Variants in ARHGEF28 observed in about 807,000 individuals in gnomAD.
ARHGEF28 encodes 190 kDa guanine nucleotide exchange factor.
In ARHGEF28, 152 loss-of-function variants were observed where a neutral mutation model predicts 206.6. The observed-to-expected ratio is 0.74, with a 90% CI of 0.64 to 0.84. The LOEUF (loss-of-function observed/expected upper bound fraction) is 0.84. Ranked by LOEUF, ARHGEF28 falls within the 40% of genes least tolerant of loss-of-function variation. ARHGEF28 has a pLI of 0.00. For synonymous variants in ARHGEF28, 763 were observed against 776.4 expected (o/e 0.98, Z 0.29); for missense variants, 2,028 against 2,073.2 (o/e 0.98, Z 0.42).
intron 9 of ARHGEF28, chr5:73,803,269 A>C (rs1447797790): frequency 6.2e-6 from 1 of 161,872 alleles, no homozygotes; most frequent in Admixed American, 6.5e-5. Context: ...ACAAATTACC[A>C]GATTAATTTT....
chr5:73,681,796 C>T (rs1467998366), intron 1 of ARHGEF28, among the ~76,000 whole-genome samples: 1 of 151,736 alleles, frequency 6.6e-6, no homozygotes, highest in African/African-American at 2.4e-5. Flanking sequence ...GCCTGGGCAA[C>T]AGAGCGAAAC....
intron 2 of ARHGEF28, among the ~76,000 whole-genome samples, chr5:73,691,581 C>G (rs941691196): frequency 2.6e-5 from 4 of 152,180 alleles, no homozygotes; most frequent in Admixed American, 2.0e-4. Flanking sequence ...ATAAAACTTT[C>G]AAGCGATTCT....
At chr5:73,857,157 G>T (rs1759097324) in intron 14 of ARHGEF28, among the ~76,000 whole-genome samples, 1 of 152,048 alleles carries the variant, frequency 6.6e-6, no homozygotes. Context: ...TGTTTCTCAG[G>T]CCGTATCAAC....
intron 35 of ARHGEF28, among the ~76,000 whole-genome samples, chr5:73,936,161 C>T (rs979798539): frequency 5.3e-5 from 8 of 152,128 alleles, no homozygotes; most frequent in African/African-American, 1.7e-4. Flanking sequence ...AACTGTAAGA[C>T]AACGCTTTTC....
intron 9 of ARHGEF28, among the ~76,000 whole-genome samples, chr5:73,811,232 C>T (rs954753193): frequency 1.3e-5 from 2 of 152,186 alleles, no homozygotes; most frequent in African/African-American, 4.8e-5. Context: ...AGCCAAAAGG[C>T]CATAGACCTA....
At chr5:73,814,827 T>A (rs1756082865) in intron 9 of ARHGEF28, among the ~76,000 whole-genome samples, 1 of 152,166 alleles carries the variant, frequency 6.6e-6, no homozygotes, top group Non-Finnish European at 1.5e-5. Context: ...TTGGCTTGTT[T>A]GCTCTTTAGC....
intron 2 of ARHGEF28, among the ~76,000 whole-genome samples, chr5:73,690,770 T>C (rs1475525993): frequency 6.6e-6 from 1 of 152,190 alleles, no homozygotes; most frequent in Non-Finnish European, 1.5e-5. Flanking sequence ...GTGCTGTGAA[T>C]AAAACAGAAA....
At chr5:73,670,405 C>A (rs1300014878) in intron 1 of ARHGEF28, among the ~76,000 whole-genome samples, 2 of 152,128 alleles carry the variant, frequency 1.3e-5, no homozygotes, top group East Asian at 3.8e-4. Context: ...AACCATTAAC[C>A]TGTTGAAAGA....
chr5:73,650,277 CTTTTT>C (rs138217794), intron 1 of ARHGEF28, among the ~76,000 whole-genome samples: 49,720 of 93,366 alleles, frequency 0.53, 12,365 homozygotes, highest in Admixed American at 0.66. Flanking sequence ...TTCTTTCTTT[CTTTTT>C]TTTTTTTTTT....
chr5:73,737,460 T>TTCTTG (rs1751029661), intron 2 of ARHGEF28, among the ~76,000 whole-genome samples: 3 of 55,408 alleles, frequency 5.4e-5, no homozygotes, highest in South Asian at 1.1e-3. Context: ...TTCTTTTCTT[T>TTCTTG]TCTTTTCTTT....
chr5:73,751,043 C>T (rs569224872), intron 3 of ARHGEF28, among the ~76,000 whole-genome samples: 4 of 152,276 alleles, frequency 2.6e-5, no homozygotes, highest in African/African-American at 9.6e-5. Flanking sequence ...ATTTCTGAGA[C>T]CATCGGCAAT....
intron 9 of ARHGEF28, among the ~76,000 whole-genome samples, chr5:73,795,857 C>A (rs1439208835): frequency 6.6e-6 from 1 of 152,178 alleles, no homozygotes; most frequent in African/African-American, 2.4e-5. Context: ...CCTATGTGAT[C>A]TACACTGCTG....
At chr5:73,681,167 A>G (rs1219478509) in intron 1 of ARHGEF28, among the ~76,000 whole-genome samples, 1 of 150,984 alleles carries the variant, frequency 6.6e-6, no homozygotes, top group African/African-American at 2.4e-5. Flanking sequence ...AGGATCTTCT[A>G]ATTTTATCAT....
At chr5:73,808,997 A>G (rs1199484380) in intron 9 of ARHGEF28, among the ~76,000 whole-genome samples, 1 of 152,130 alleles carries the variant, frequency 6.6e-6, no homozygotes, top group African/African-American at 2.4e-5. Flanking sequence ...TATGCCTGTA[A>G]TCCCAGCACT....
intron 8 of ARHGEF28, among the ~76,000 whole-genome samples, 180 bp downstream of exon 8, chr5:73,794,634 C>A (rs1361692061): frequency 1.4e-5 from 2 of 142,276 alleles, no homozygotes; most frequent in African/African-American, 2.6e-5. Context: ...TGAGATGGAG[C>A]CTCGCTCTGT....
intron 2 of ARHGEF28, among the ~76,000 whole-genome samples, chr5:73,725,192 T>G (rs1334243583): frequency 6.6e-6 from 1 of 152,210 alleles, no homozygotes; most frequent in Non-Finnish European, 1.5e-5. Flanking sequence ...AAATAACTTC[T>G]GATAATACCT....
At chr5:73,755,739 A>G (rs1752273035) in intron 4 of ARHGEF28, among the ~76,000 whole-genome samples, 1 of 152,232 alleles carries the variant, frequency 6.6e-6, no homozygotes, top group African/African-American at 2.4e-5. Context: ...ACATAAAAAA[A>G]TAAGTTTGGA....
intron 2 of ARHGEF28, among the ~76,000 whole-genome samples, chr5:73,712,454 C>CT (rs1201962902): frequency 6.6e-6 from 1 of 152,148 alleles, no homozygotes; most frequent in East Asian, 1.9e-4. Flanking sequence ...TTCTCTGCCT[C>CT]TTGGTAGAGT....
chr5:73,633,142 C>T (rs548762026), intron 1 of ARHGEF28, among the ~76,000 whole-genome samples: 10 of 152,190 alleles, frequency 6.6e-5, no homozygotes, highest in Admixed American at 4.6e-4. Flanking sequence ...TGCCACTGCT[C>T]GGACGGGAGG....
Sources: allele counts gnomAD v4.1 joint callset (sites outside exome capture counted in the v4.1 genomes callset), GRCh38; gene constraint gnomAD v4.1.1; transcripts MANE v1.5; gene names NCBI Gene and HGNC (gene_info 2026-07-23, HGNC 2026-07-21).